Variants in CDH3 observed in about 807,000 individuals in gnomAD.
CDH3 encodes the protein cadherin 3, also known as cadherin-3.
In CDH3, 54 loss-of-function variants were observed where a neutral mutation model predicts 82.0. The observed-to-expected ratio is 0.66, with a 90% CI of 0.53 to 0.83. CDH3 has a LOEUF of 0.83. CDH3 is among the 40% of genes least tolerant of loss of function. The probability of loss-of-function intolerance (pLI) is 0.00; values close to 1 mark genes in which losing one functional copy is unlikely to be tolerated. For missense variants in CDH3, 1,054 were observed against 1,084.6 expected (o/e 0.97, Z 0.40); for synonymous variants, 446 against 437.9 (o/e 1.02, Z -0.23).
At chr16:68,727,219 G>C (rs1178011649) in exon 3 of CDH3, among the ~76,000 whole-genome samples, 1 of 152,152 alleles carries the variant, frequency 6.6e-6, no homozygotes, top group Admixed American at 6.5e-5. Flanking sequence ...TTGACTCTGG[G>C]ATTTGTACCA....
intron 2 of CDH3, among the ~76,000 whole-genome samples, chr16:68,660,663 GA>G (rs891704986): frequency 5.9e-5 from 9 of 152,078 alleles, no homozygotes; most frequent in African/African-American, 2.2e-4. Context: ...ATGCATTCTT[GA>G]AAACCACAAA....
intron 8 of CDH3, 133 bp downstream of exon 8, chr16:68,681,229 A>G (rs1961221214): frequency 2.2e-6 from 2 of 913,550 alleles, no homozygotes; most frequent in Non-Finnish European, 3.6e-6. Context: ...CCTTAGGAAA[A>G]CTACCTAACC....
intron 2 of CDH3, chr16:68,651,300 C>T (rs764332154): frequency 1.8e-6 from 1 of 549,686 alleles, no homozygotes. Flanking sequence ...CCGTCATGCC[C>T]ATGTGGCTGG....
At chr16:68,648,551 T>C (rs955797672) in intron 2 of CDH3, among the ~76,000 whole-genome samples, 10 of 152,012 alleles carry the variant, frequency 6.6e-5, no homozygotes, top group Non-Finnish European at 1.3e-4. Flanking sequence ...TCCTGGGCTC[T>C]AGTGATCCTC....
the CDH3 span, among the ~76,000 whole-genome samples, chr16:68,733,690 C>T: frequency 2.0e-5 from 3 of 152,144 alleles, no homozygotes; most frequent in African/African-American, 7.2e-5. Flanking sequence ...TGCAGTGAGC[C>T]GAGATCGCGC....
intron 2 of CDH3, among the ~76,000 whole-genome samples, chr16:68,648,640 G>A (rs921861220): frequency 1.1e-4 from 16 of 151,858 alleles, no homozygotes; most frequent in African/African-American, 3.1e-4. Flanking sequence ...TTCTAGAGAC[G>A]GGGTCTCACT....
At chr16:68,721,207 C>T (rs1481372914) in intron 1 of CDH3, among the ~76,000 whole-genome samples, 1 of 148,442 alleles carries the variant, frequency 6.7e-6, no homozygotes, top group Non-Finnish European at 1.5e-5. Context: ...GTTCCTGGAC[C>T]TTACCCTTTA....
At chr16:68,653,760 G>C (rs1312612770) in intron 2 of CDH3, among the ~76,000 whole-genome samples, 1 of 150,662 alleles carries the variant, frequency 6.6e-6, no homozygotes, top group African/African-American at 2.4e-5. Context: ...CCTGATCTCG[G>C]CTCACTGCAA....
intron 11 of CDH3, among the ~76,000 whole-genome samples, chr16:68,686,074 G>C (rs1230394193): frequency 6.6e-6 from 1 of 152,372 alleles, no homozygotes; most frequent in South Asian, 2.1e-4. Flanking sequence ...CCAGCACTGT[G>C]GGAGGCTGAG....
intron 1 of CDH3, among the ~76,000 whole-genome samples, chr16:68,709,447 G>A (rs1419577914): frequency 6.6e-6 from 1 of 152,080 alleles, no homozygotes; most frequent in African/African-American, 2.4e-5. Context: ...AAGGGTTCAT[G>A]GAGGTGCAGT....
intron 1 of CDH3, among the ~76,000 whole-genome samples, chr16:68,720,908 C>T (rs1962155059): frequency 6.6e-6 from 1 of 152,084 alleles, no homozygotes; most frequent in Non-Finnish European, 1.5e-5. Flanking sequence ...GCATGAGCCA[C>T]CATGTCAGGC....
intron 2 of CDH3, among the ~76,000 whole-genome samples, chr16:68,665,301 G>A (rs147980697): frequency 2.9e-4 from 44 of 152,138 alleles, no homozygotes; most frequent in East Asian, 9.7e-4. Flanking sequence ...CCAGCTACTC[G>A]GGAGGCTGAG....
intron 13 of CDH3, among the ~76,000 whole-genome samples, chr16:68,694,865 A>G (rs1341162377): frequency 1.3e-5 from 2 of 152,150 alleles, no homozygotes; most frequent in African/African-American, 4.8e-5. Context: ...ATGGGTGAGG[A>G]GAAGGAAGTC....
chr16:68,648,221 C>T (rs544802801), intron 2 of CDH3, among the ~76,000 whole-genome samples: 2 of 152,316 alleles, frequency 1.3e-5, no homozygotes, highest in South Asian at 4.1e-4. Flanking sequence ...CCAAACAGCT[C>T]ATGAACTTCT....
chr16:68,677,449 A>C (rs1326964869), intron 3 of CDH3, among the ~76,000 whole-genome samples: 1 of 152,246 alleles, frequency 6.6e-6, no homozygotes, highest in Non-Finnish European at 1.5e-5. Context: ...GCATAAATCA[A>C]AAATCAGGCC....
intron 2 of CDH3, among the ~76,000 whole-genome samples, chr16:68,649,561 A>T (rs1324601924): frequency 6.6e-6 from 1 of 152,124 alleles, no homozygotes. Context: ...TTTTTTTCTT[A>T]AAAACAGAGG....
At position 68,685,273 on chromosome 16, in the gene CDH3, T is replaced by G; in HGVS notation, c.1493T>G (p.Val498Gly). 1 of 1,614,116 alleles carries G rather than the reference T, an allele frequency of 6.2e-7. No individual in the cohort carries two copies. Among genetic ancestry groups the G allele is most frequent in the South Asian group, 1.1e-5 (1 of 91,074 alleles). The stretch of plus-strand genomic sequence containing the variant: ...CCAGACAGTGGGCAGGTCACAGCTG[T>G]GGGCACCCTCGACCGTGAGGATGAG... ...MDPDSGQVTA[V>G]GTLDREDEQF... Residue 498 changes from valine to glycine, a missense_variant, in exon 11 of 16, where the codon GTG becomes GGG. Coordinates refer to ENST00000264012, the MANE Select transcript of CDH3 (RefSeq NM_001793.6).
intron 4 of CDH3, 32 bp from the exon 5 acceptor site, chr16:68,678,469 C>A (rs1480523481): frequency 6.2e-7 from 1 of 1,613,846 alleles, no homozygotes; most frequent in Non-Finnish European, 8.5e-7. Context: ...ATATTTGTTA[C>A]TTTGTCAGCT....
At chr16:68,687,438 G>A (rs1246487158) in intron 11 of CDH3, 74 bp from the exon 12 acceptor site, 3 of 1,205,660 alleles carry the variant, frequency 2.5e-6, no homozygotes, top group African/African-American at 3.0e-5. Context: ...GAGCTGGGCG[G>A]TAAACAGGAG....
Sources: gnomAD v4.1 joint callset for allele counts (sites outside exome capture counted in the v4.1 genomes callset) on GRCh38, gnomAD v4.1.1 for gene constraint, MANE v1.5 for transcripts, NCBI Gene and HGNC (gene_info 2026-07-23, HGNC 2026-07-21) for gene names.